Variants in ARID2 observed in about 807,000 individuals in gnomAD.
ARID2 encodes AT-rich interaction domain 2.
In ARID2, 32 loss-of-function variants were observed where a neutral mutation model predicts 184.6. The ratio of observed to expected loss-of-function variants is 0.17; its 90% CI spans 0.13 to 0.23. The LOEUF is 0.23. Among genes scored for constraint, ARID2 ranks in the 10% least tolerant of loss-of-function variants. The pLI is 1.00. For synonymous variants in ARID2, 836 were observed against 772.6 expected (o/e 1.08, Z -1.36); for missense variants, 1,696 against 2,197.6 (o/e 0.77, Z 4.56).
rs746334291 is a variant in ARID2, at chr12:45,860,910, C to A, written c.4883C>A (p.Pro1628His). The change falls in exon 16 of 21, where the codon CCT (proline) becomes CAT (histidine). Residue 1628 changes from proline to histidine, a missense_variant. By Grantham distance (77) the Pro-to-His change is moderately conservative (BLOSUM62 -2). Around this residue, in one of 11 missense-constraint regions of ARID2, gnomAD observed 111 missense variants for 154.0 expected, o/e 0.72. Coordinates refer to ENST00000334344, the MANE Select transcript of ARID2 (RefSeq NM_152641.4). Reference protein sequence around the residue: ...SSQPGDPMRKPGQNFMCLWQS... With the variant: ...SSQPGDPMRKHGQNFMCLWQS... ...CAGCCTGGAGATCCAATGAGAAAACCTGGACAGAACTTCATGTGTCTGTGG... is the reference window on the plus strand; with the variant it reads ...CAGCCTGGAGATCCAATGAGAAAACATGGACAGAACTTCATGTGTCTGTGG... 1.3e-6 allele frequency: 2 copies of A among 1,599,004 alleles called. No homozygotes were observed. Among genetic ancestry groups the A allele is most frequent in the Non-Finnish European group, 1.7e-6 (2 of 1,172,548 alleles).
intron 3 of ARID2, among the ~76,000 whole-genome samples, chr12:45,747,568 A>G (rs1941383275): frequency 6.6e-6 from 1 of 152,114 alleles, no homozygotes; most frequent in African/African-American, 2.4e-5. Context: ...TTATGAACTC[A>G]GGTGGGTATG....
intron 15 of ARID2, among the ~76,000 whole-genome samples, chr12:45,859,802 C>T (rs1018307028): frequency 1.3e-5 from 2 of 152,178 alleles, no homozygotes; most frequent in Admixed American, 1.3e-4. Flanking sequence ...GGAGCGATCT[C>T]AGCTCACTGC....
At chr12:45,902,097 G>C (rs192372644) in intron 20 of ARID2, among the ~76,000 whole-genome samples, 4 of 152,110 alleles carry the variant, frequency 2.6e-5, no homozygotes, top group African/African-American at 9.7e-5. Flanking sequence ...GTGTTGCTTA[G>C]AAATTATTTT....
intron 3 of ARID2, among the ~76,000 whole-genome samples, chr12:45,801,452 T>C (rs1047970849): frequency 6.6e-6 from 1 of 152,114 alleles, no homozygotes; most frequent in African/African-American, 2.4e-5. Context: ...TTCTGTAAAT[T>C]AGTAATTTCT....
At chr12:45,814,172 A>C (rs1942763157) in intron 4 of ARID2, among the ~76,000 whole-genome samples, 1 of 152,186 alleles carries the variant, frequency 6.6e-6, no homozygotes, top group African/African-American at 2.4e-5. Flanking sequence ...CTAACAAGAC[A>C]TTTGGACTAC....
intron 3 of ARID2, among the ~76,000 whole-genome samples, chr12:45,770,666 G>T (rs1021077225): frequency 6.6e-6 from 1 of 152,164 alleles, no homozygotes; most frequent in Non-Finnish European, 1.5e-5. Flanking sequence ...CTGAGTCCAG[G>T]GTTTTTATGG....
At chr12:45,783,756 G>A (rs1259638853) in intron 3 of ARID2, among the ~76,000 whole-genome samples, 1 of 152,178 alleles carries the variant, frequency 6.6e-6, no homozygotes, top group African/African-American at 2.4e-5. Context: ...TTCCTAACAG[G>A]TCAGTTAGTA....
rs1410071743 is a variant in ARID2, at chr12:45,852,074, T to G, written c.3951T>G (p.Asn1317Lys). The change falls in exon 15 of 21, where the codon AAT (asparagine) becomes AAG (lysine). Residue 1317 changes from asparagine to lysine, a missense_variant. Physicochemically the swap from Asn to Lys is moderately conservative, Grantham distance 94. Around this residue, in one of 11 missense-constraint regions of ARID2, gnomAD observed 428 missense variants for 409.1 expected, o/e 1.05. Coordinates refer to ENST00000334344, the MANE Select transcript of ARID2 (RefSeq NM_152641.4). ...SNSGKIQSET[N>K]QCSLISNGPS... ...CAGGGAAAATTCAAAGTGAGACTAA[T>G]CAGTGCTCACTAATCAGTAATGGGC... The G allele has an allele frequency of 5.6e-6, 9 of 1,614,002 alleles. No individual in the cohort carries two copies. The highest frequency in any genetic ancestry group is 8.5e-7 in the Non-Finnish European group (1 of 1,180,022).
At chr12:45,785,529 G>A (rs1179642557) in intron 3 of ARID2, among the ~76,000 whole-genome samples, 4 of 151,972 alleles carry the variant, frequency 2.6e-5, no homozygotes, top group Admixed American at 1.3e-4. Context: ...TAAGTACAAC[G>A]CCCCTGGGTT....
rs2138166027 is a variant in ARID2 at position 45,850,902 on chromosome 12, G to A, written c.2779G>A (p.Val927Met). The change falls in exon 15 of 21, where the codon GTG becomes ATG. Residue 927 changes from valine (V) to methionine (M), a missense_variant. By Grantham distance (21) the Val-to-Met change is conservative. Coordinates refer to ENST00000334344, the MANE Select transcript of ARID2 (RefSeq NM_152641.4). ...QPQQPTQQSV[V>M]IVSQPAQQGQ... ...ACAGCAGCCAACCCAACAAAGCGTA[G>A]TGATTGTAAGCCAGCCAGCTCAACA... 6.2e-7 allele frequency: 1 copy of A among 1,614,152 alleles called. No homozygotes were observed. The highest frequency in any genetic ancestry group is 8.5e-7 in the Non-Finnish European group (1 of 1,180,016).
chr12:45,870,964 T>G (rs1295725757), intron 16 of ARID2, among the ~76,000 whole-genome samples: 1 of 152,226 alleles, frequency 6.6e-6, no homozygotes, highest in East Asian at 1.9e-4. Context: ...CTAACTCATT[T>G]GGGCAAACAC....
intron 3 of ARID2, among the ~76,000 whole-genome samples, chr12:45,774,833 C>T (rs1941944554): frequency 6.6e-6 from 1 of 152,132 alleles, no homozygotes; most frequent in African/African-American, 2.4e-5. Context: ...CCATCCAAAA[C>T]TTAGATTATT....
intron 16 of ARID2, among the ~76,000 whole-genome samples, chr12:45,878,571 C>T (rs1311092725): frequency 6.6e-6 from 1 of 151,972 alleles, no homozygotes; most frequent in East Asian, 1.9e-4. Flanking sequence ...TTTCATATTT[C>T]TAGCATTTTC....
chr12:45,873,643 G>C (rs1211667766), intron 16 of ARID2, among the ~76,000 whole-genome samples: 1 of 152,096 alleles, frequency 6.6e-6, no homozygotes, highest in African/African-American at 2.4e-5. Context: ...TCACAATAAA[G>C]CAAGTCACAT....
intron 16 of ARID2, among the ~76,000 whole-genome samples, chr12:45,866,670 CTTTT>C (rs1454001814): frequency 6.6e-6 from 1 of 152,092 alleles, no homozygotes; most frequent in Non-Finnish European, 1.5e-5. Flanking sequence ...AATTTTTATT[CTTTT>C]GTTATTTTAA....
chr12:45,829,666 C>T (rs1034867197), intron 6 of ARID2, among the ~76,000 whole-genome samples: 4 of 150,496 alleles, frequency 2.7e-5, no homozygotes, highest in Middle Eastern at 3.2e-3. Flanking sequence ...TTGTTTTTTG[C>T]GTTTTCTTCT....
Position 45,836,944 on chromosome 12 carries a change from T to C in ARID2, c.976T>C (p.Ser326Pro), listed in dbSNP as rs1565615339. 1 of 1,614,088 alleles carries C rather than the reference T, an allele frequency of 6.2e-7. No individual in the cohort carries two copies. The highest frequency in any genetic ancestry group is 8.5e-7 in the Non-Finnish European group (1 of 1,179,972). ...LLLSAHSHFI[S>P]LRQLGLDTLG... ...ACTTTCTGCACATAGTCATTTTATT[T>C]CTTTAAGGCAATTAGGCCTTGACAC... Residue 326 changes from serine to proline, a missense_variant, in exon 8 of 21, where the codon TCT becomes CCT. Coordinates refer to ENST00000334344, the MANE Select transcript of ARID2 (RefSeq NM_152641.4).
chr12:45,892,693 A>G (rs965159783), intron 18 of ARID2, among the ~76,000 whole-genome samples: 1 of 152,170 alleles, frequency 6.6e-6, no homozygotes, highest in Non-Finnish European at 1.5e-5. Flanking sequence ...GGGTTTCCTC[A>G]TATACGAGTC....
At chr12:45,892,779 TA>T (rs1181048026) in intron 18 of ARID2, among the ~76,000 whole-genome samples, 1 of 152,064 alleles carries the variant, frequency 6.6e-6, no homozygotes. Flanking sequence ...AAATCTACAG[TA>T]GTTTGAATCT....
Sources: allele counts gnomAD v4.1 joint callset (sites outside exome capture counted in the v4.1 genomes callset), GRCh38; gene constraint gnomAD v4.1.1; regional missense constraint gnomAD v4.1.1; transcripts MANE v1.5; gene names NCBI Gene and HGNC (gene_info 2026-07-23, HGNC 2026-07-21).